The following PIK3C2G variants were observed in gnomAD, a reference collection of about 807,000 sequenced individuals.
PIK3C2G encodes phosphatidylinositol 3-kinase C2 domain-containing subunit gamma.
A neutral mutation model predicts 181.1 loss-of-function variants in PIK3C2G; 168 were observed. The observed-to-expected ratio is 0.93, with a 90% CI of 0.82 to 1.05. PIK3C2G has a LOEUF of 1.05. Among genes scored for constraint, PIK3C2G ranks in the 50% least tolerant of loss-of-function variants. The pLI is 0.00. For synonymous variants in PIK3C2G, 573 were observed against 592.2 expected (o/e 0.97, Z 0.47); for missense variants, 1,869 against 1,732.8 (o/e 1.08, Z -1.40).
chr12:18,633,248 CAAAT>C (rs1377998059), intron 31 of PIK3C2G, among the ~76,000 whole-genome samples: 1 of 151,932 alleles, frequency 6.6e-6, no homozygotes, highest in Non-Finnish European at 1.5e-5. Context: ...GATGTAATAA[CAAAT>C]AACGTAACAA....
At chr12:18,625,116 T>G (rs1949035645) in intron 31 of PIK3C2G, among the ~76,000 whole-genome samples, 1 of 151,748 alleles carries the variant, frequency 6.6e-6, no homozygotes, top group South Asian at 2.1e-4. Flanking sequence ...AACATTAAAT[T>G]GTTTATTTGC....
intron 18 of PIK3C2G, among the ~76,000 whole-genome samples, chr12:18,483,798 A>G (rs1056420511): frequency 6.6e-6 from 1 of 152,196 alleles, no homozygotes; most frequent in African/African-American, 2.4e-5. Flanking sequence ...TACCATAGCA[A>G]CAAATAGCCC....
chr12:18,298,828 A>G (rs370577861), intron 5 of PIK3C2G, among the ~76,000 whole-genome samples: 83 of 151,970 alleles, frequency 5.5e-4, no homozygotes, highest in African/African-American at 1.9e-3. Flanking sequence ...GTTTGTCCTC[A>G]ACATCTTTGT....
At chr12:18,710,693 G>T in the PIK3C2G span, among the ~76,000 whole-genome samples, 1 of 152,102 alleles carries the variant, frequency 6.6e-6, no homozygotes, top group African/African-American at 2.4e-5. Flanking sequence ...CAGTAAAAAT[G>T]GGCAGAGATA....
At chr12:18,688,341 G>T in the PIK3C2G span, 1 of 983,336 alleles carries the variant, frequency 1.0e-6, no homozygotes, top group Non-Finnish European at 1.5e-6. Context: ...CACAAACATT[G>T]AAAGTGGAAT....
intron 31 of PIK3C2G, among the ~76,000 whole-genome samples, chr12:18,632,675 G>T (rs1441232311): frequency 6.6e-6 from 1 of 151,796 alleles, no homozygotes; most frequent in Non-Finnish European, 1.5e-5. Context: ...CTAAGAACCA[G>T]GAGTACAAAT....
the PIK3C2G span, among the ~76,000 whole-genome samples, chr12:18,691,409 T>G: frequency 6.6e-6 from 1 of 152,130 alleles, no homozygotes; most frequent in Admixed American, 6.5e-5. Flanking sequence ...AATTAAAGAC[T>G]TGAGCATTGT....
At chr12:18,662,328 T>C in the PIK3C2G span, among the ~76,000 whole-genome samples, 1 of 151,988 alleles carries the variant, frequency 6.6e-6, no homozygotes, top group South Asian at 2.1e-4. Context: ...TTAAGTACAA[T>C]TTTTAAAAAA....
the PIK3C2G span, among the ~76,000 whole-genome samples, chr12:18,677,280 C>T: frequency 0.011 from 1,703 of 152,150 alleles, 40 homozygotes; most frequent in African/African-American, 0.04. Context: ...GGAAAGATGG[C>T]GAGCAAGACA....
the PIK3C2G span, among the ~76,000 whole-genome samples, chr12:18,715,442 C>G: frequency 6.6e-6 from 1 of 151,342 alleles, no homozygotes; most frequent in Non-Finnish European, 1.5e-5. Flanking sequence ...CGCTCTGTCG[C>G]CCAGACTGGG....
chr12:18,666,177 A>G, the PIK3C2G span, among the ~76,000 whole-genome samples: 1 of 152,004 alleles, frequency 6.6e-6, no homozygotes, highest in Non-Finnish European at 1.5e-5. Flanking sequence ...ATTATAGAGA[A>G]ATTAATAATT....
chr12:18,607,263 T>C (rs1332388969), intron 30 of PIK3C2G: 3 of 467,646 alleles, frequency 6.4e-6, no homozygotes, highest in African/African-American at 6.0e-5. Context: ...AAAGAAATAG[T>C]AGAGCCTGTT....
At chr12:18,721,533 G>A in the PIK3C2G span, among the ~76,000 whole-genome samples, 4 of 152,038 alleles carry the variant, frequency 2.6e-5, no homozygotes, top group East Asian at 7.7e-4. Flanking sequence ...CATCTCATTT[G>A]TATCTTTTAA....
At chr12:18,371,777 G>A (rs1203373755) in intron 13 of PIK3C2G, among the ~76,000 whole-genome samples, 1 of 152,108 alleles carries the variant, frequency 6.6e-6, no homozygotes, top group Non-Finnish European at 1.5e-5. Flanking sequence ...TCAATTATAA[G>A]TTCAGATATT....
chr12:18,259,068 G>C (rs145517044), upstream of PIK3C2G, among the ~76,000 whole-genome samples: 126 of 152,154 alleles, frequency 8.3e-4, 1 homozygote, highest in South Asian at 2.9e-3. Flanking sequence ...GCCTTCATTT[G>C]TTTTTCACCC....
chr12:18,534,562 T>C (rs1019324564), intron 24 of PIK3C2G, among the ~76,000 whole-genome samples: 8 of 152,122 alleles, frequency 5.3e-5, no homozygotes, highest in African/African-American at 1.9e-4. Context: ...ATATGAGCTA[T>C]GTTTATTTAT....
intron 31 of PIK3C2G, among the ~76,000 whole-genome samples, chr12:18,611,916 ATC>A (rs1948359981): frequency 6.6e-6 from 1 of 152,040 alleles, no homozygotes; most frequent in South Asian, 2.1e-4. Flanking sequence ...CTTCTTTATA[ATC>A]TCTTTTTAAT....
At chr12:18,301,251 C>T (rs1299942181) in intron 5 of PIK3C2G, among the ~76,000 whole-genome samples, 1 of 152,168 alleles carries the variant, frequency 6.6e-6, no homozygotes, top group South Asian at 2.1e-4. Context: ...TTCTAAATCC[C>T]TAGCAAAACT....
At chr12:18,462,911 T>C (rs1435962264) in intron 18 of PIK3C2G, among the ~76,000 whole-genome samples, 2 of 151,306 alleles carry the variant, frequency 1.3e-5, no homozygotes, top group Non-Finnish European at 3.0e-5. Context: ...TTCTTTTCAA[T>C]GGTTTGCAAA....
Sources: allele counts gnomAD v4.1 joint callset (sites outside exome capture counted in the v4.1 genomes callset), GRCh38; gene constraint gnomAD v4.1.1; transcripts MANE v1.5; gene names NCBI Gene and HGNC (gene_info 2026-07-23, HGNC 2026-07-21).